Variants in THEMIS observed in about 807,000 individuals in gnomAD.
THEMIS encodes the protein protein THEMIS.
A neutral mutation model predicts 52.6 loss-of-function variants in THEMIS; 37 were observed. The ratio of observed to expected loss-of-function variants is 0.70; its 90% CI spans 0.54 to 0.93. THEMIS has a LOEUF of 0.93. Ranked by LOEUF, THEMIS falls within the 40% of genes least tolerant of loss-of-function variation. THEMIS has a pLI of 0.00. For synonymous variants in THEMIS, 292 were observed against 272.7 expected (o/e 1.07, Z -0.70); for missense variants, 808 against 763.1 (o/e 1.06, Z -0.69).
At chr6:127,702,776 A>G in the THEMIS span, among the ~76,000 whole-genome samples, 2 of 152,138 alleles carry the variant, frequency 1.3e-5, no homozygotes, top group African/African-American at 4.8e-5. Flanking sequence ...GCAGAAGGTG[A>G]AAGGCACATC....
chr6:127,752,387 A>C (rs1279570494), intron 4 of THEMIS, among the ~76,000 whole-genome samples: 1 of 151,032 alleles, frequency 6.6e-6, no homozygotes, highest in East Asian at 1.9e-4. Context: ...TGGAAAAATA[A>C]AATTAGCAAA....
intron 4 of THEMIS, among the ~76,000 whole-genome samples, chr6:127,774,662 A>C (rs1776498631): frequency 6.6e-6 from 1 of 152,164 alleles, no homozygotes; most frequent in African/African-American, 2.4e-5. Context: ...ATTTTTGGAG[A>C]GTAGCTACCA....
At chr6:127,703,372 C>T (rs1348060217), downstream of THEMIS, among the ~76,000 whole-genome samples, 2 of 152,056 alleles carry the variant, frequency 1.3e-5, no homozygotes, top group African/African-American at 4.8e-5. Flanking sequence ...TTCACATTGT[C>T]AATCAAAGAT....
chr6:127,753,687 T>C (rs1230288154), intron 4 of THEMIS, among the ~76,000 whole-genome samples: 1 of 152,048 alleles, frequency 6.6e-6, no homozygotes, highest in Non-Finnish European at 1.5e-5. Context: ...TTTTAACATA[T>C]ATGTTTTGGA....
intron 3 of THEMIS, among the ~76,000 whole-genome samples, chr6:127,814,548 T>C (rs912860916): frequency 1.1e-4 from 17 of 152,266 alleles, no homozygotes; most frequent in African/African-American, 3.9e-4. Flanking sequence ...AGATGCAATA[T>C]TTTTCCAATG....
rs762001310 is a variant in THEMIS, at chr6:127,829,785, C to G, written c.400G>C (p.Glu134Gln). Residue 134 changes from glutamate to glutamine, a missense_variant, in exon 3 of 6, where the codon GAG becomes CAG. Coordinates refer to ENST00000368248, the MANE Select transcript of THEMIS (RefSeq NM_001010923.3). ...KLENLIIKQG[E>Q]QIMLNSVEEI... Reference sequence around the variant, plus strand: ...TCAACTGAGTTGAGCATGATTTGCTCACCCTGCTTTATGATGAGGTTCTCT... The same window carrying G: ...TCAACTGAGTTGAGCATGATTTGCTGACCCTGCTTTATGATGAGGTTCTCT... 1.2e-6 allele frequency: 2 copies of G among 1,614,116 alleles called. No individual in the cohort carries two copies. The highest frequency in any genetic ancestry group is 1.3e-5 in the African/African-American group (1 of 75,050).
intron 4 of THEMIS, among the ~76,000 whole-genome samples, chr6:127,777,071 A>T (rs1776589632): frequency 6.6e-6 from 1 of 152,026 alleles, no homozygotes; most frequent in South Asian, 2.1e-4. Flanking sequence ...TTCTGTAGAC[A>T]GCATACAGTT....
At chr6:127,880,770 T>C (rs1258495667) in intron 1 of THEMIS, among the ~76,000 whole-genome samples, 1 of 152,116 alleles carries the variant, frequency 6.6e-6, no homozygotes, top group African/African-American at 2.4e-5. Flanking sequence ...TCTGTTTATG[T>C]AGAGTAGCTG....
chr6:127,880,571 TAA>T (rs33909885), intron 1 of THEMIS, among the ~76,000 whole-genome samples: 9 of 132,952 alleles, frequency 6.8e-5, no homozygotes, highest in Non-Finnish European at 8.0e-5. Flanking sequence ...AAAGACAAAT[TAA>T]AAAAAAAAAA....
intron 4 of THEMIS, among the ~76,000 whole-genome samples, chr6:127,811,271 C>G (rs549678287): frequency 9.2e-5 from 14 of 152,128 alleles, no homozygotes; most frequent in Admixed American, 9.2e-4. Context: ...TAGTAGCTGA[C>G]GTGGGTCCCA....
At chr6:127,879,555 TA>T (rs1418023850) in intron 1 of THEMIS, among the ~76,000 whole-genome samples, 1 of 150,048 alleles carries the variant, frequency 6.7e-6, no homozygotes, top group Non-Finnish European at 1.5e-5. Context: ...AATAATTTTC[TA>T]AAAATGTGTG....
At chr6:127,854,969 A>C in intron 2 of THEMIS, 61 bp downstream of exon 2, 1 of 1,446,014 alleles carries the variant, frequency 6.9e-7, no homozygotes, top group South Asian at 1.6e-5. Flanking sequence ...TTGGTTGTGT[A>C]TATATACATA....
At chr6:127,797,683 C>T (rs1777375940) in intron 4 of THEMIS, among the ~76,000 whole-genome samples, 1 of 152,214 alleles carries the variant, frequency 6.6e-6, no homozygotes, top group Admixed American at 6.5e-5. Context: ...ATCTCTTACC[C>T]ATAATGCCAG....
At chr6:127,722,789 C>G (rs1774407565) in intron 4 of THEMIS, among the ~76,000 whole-genome samples, 1 of 151,968 alleles carries the variant, frequency 6.6e-6, no homozygotes, top group East Asian at 1.9e-4. Flanking sequence ...TTGGTATCAT[C>G]TATCTACTAA....
chr6:127,759,713 A>G (rs1775950690), intron 4 of THEMIS, among the ~76,000 whole-genome samples: 1 of 152,000 alleles, frequency 6.6e-6, no homozygotes, highest in African/African-American at 2.4e-5. Flanking sequence ...CTCCCTCTTC[A>G]CAGGATTATT....
At chr6:127,800,428 C>A (rs1031052693) in intron 4 of THEMIS, among the ~76,000 whole-genome samples, 2 of 152,316 alleles carry the variant, frequency 1.3e-5, no homozygotes, top group South Asian at 4.1e-4. Flanking sequence ...GCTTAGATTT[C>A]TTTCCTAAAG....
chr6:127,774,616 G>A (rs1776497494), intron 4 of THEMIS, among the ~76,000 whole-genome samples: 1 of 152,176 alleles, frequency 6.6e-6, no homozygotes, highest in South Asian at 2.1e-4. Context: ...TACTATGGTA[G>A]AACTTAGCGA....
At chr6:127,837,387 C>T (rs1411132957) in intron 2 of THEMIS, among the ~76,000 whole-genome samples, 1 of 152,040 alleles carries the variant, frequency 6.6e-6, no homozygotes, top group Admixed American at 6.6e-5. Context: ...AATATTAACA[C>T]TGTTGTTGAG....
At chr6:127,713,437 C>G (rs1479877685) in intron 5 of THEMIS, among the ~76,000 whole-genome samples, 2 of 151,756 alleles carry the variant, frequency 1.3e-5, no homozygotes, top group South Asian at 4.1e-4. Context: ...CTGTGAACCT[C>G]TTATGAGCCA....
Sources: gnomAD v4.1 joint callset for allele counts (sites outside exome capture counted in the v4.1 genomes callset) on GRCh38, gnomAD v4.1.1 for gene constraint, MANE v1.5 for transcripts, NCBI Gene and HGNC (gene_info 2026-07-23, HGNC 2026-07-21) for gene names.